The following PDPK1 variants were observed in gnomAD, a reference collection of about 807,000 sequenced individuals.
The protein encoded by PDPK1 is 3-phosphoinositide-dependent protein kinase 1.
PDPK1 carries 7 observed loss-of-function variants against 39.8 expected under a neutral mutation model. The ratio of observed to expected loss-of-function variants is 0.18; its 90% CI spans 0.10 to 0.33. The LOEUF (loss-of-function observed/expected upper bound fraction) is 0.33, where lower values mean the gene tolerates loss of function less well. Among genes scored for constraint, PDPK1 ranks in the 10% least tolerant of loss-of-function variants. PDPK1 has a pLI of 1.00. For missense variants in PDPK1, 182 were observed against 384.7 expected (o/e 0.47, Z 4.41); for synonymous variants, 118 against 159.1 (o/e 0.74, Z 1.95).
chr16:2,597,429 A>T lies in PDPK1; in HGVS notation c.1554+154A>T, dbSNP rs1178897627. Among the ~76,000 whole-genome samples the T allele has an allele frequency of 6.6e-6, 1 of 152,170 alleles. No homozygotes were observed. Among genetic ancestry groups the T allele is most frequent in the Non-Finnish European group, 1.5e-5 (1 of 68,028 alleles). On this transcript the variant is annotated intron_variant, in intron 13 of 13. Transcript: ENST00000342085. This position sits in a 1 kb window ranked among gnomAD's most constrained non-coding sequence, Gnocchi z 6.3. ...TCCCAGACGCCCACACTAGTGGCTC[A>T]GTCCTGAGGGGGCAGGGGACACCCT...
chr16:2,538,863 T>G (rs1259294828), intron 1 of PDPK1: 3 of 899,566 alleles, frequency 3.3e-6, no homozygotes, highest in Non-Finnish European at 4.5e-6. Context: ...ATATTTTCTC[T>G]CTATCGCTAA....
chr16:2,590,838 A>G (rs1457306662), intron 11 of PDPK1, among the ~76,000 whole-genome samples: 4 of 152,318 alleles, frequency 2.6e-5, no homozygotes, highest in South Asian at 2.1e-4. Flanking sequence ...GAAAGAGACA[A>G]GCTCTCACTA....
Position 2,602,570 on chromosome 16 carries a change from T to C in PDPK1, c.*4803T>C, listed in dbSNP as rs2067239357. 1 of 234,778 alleles carries C rather than the reference T, an allele frequency of 4.3e-6. No individual in the cohort carries two copies. Among genetic ancestry groups the C allele is most frequent in the Admixed American group, 5.6e-5 (1 of 17,790 alleles). 14.5% of individuals were successfully genotyped at this position (234,778 alleles called of 1,614,324 possible). ...GCAGAATGACTACGAATAGGGGTCA[T>C]TGTGCTGGTAAAAGCCTCTATTACG... On this transcript the variant is annotated 3_prime_UTR_variant, in exon 14 of 14. Coordinates refer to ENST00000342085, the MANE Select transcript of PDPK1 (RefSeq NM_002613.5).
intron 10 of PDPK1, among the ~76,000 whole-genome samples, chr16:2,585,658 G>A (rs2066855415): frequency 1.3e-5 from 2 of 152,104 alleles, no homozygotes; most frequent in African/African-American, 4.8e-5. Flanking sequence ...GGTCGGCGTG[G>A]AGGGGCCGGC....
chr16:2,586,603 C>T (rs565488195), intron 10 of PDPK1, 73 bp from the exon 11 acceptor site: 21 of 1,329,496 alleles, frequency 1.6e-5, no homozygotes, highest in East Asian at 1.4e-4. Context: ...AGCGGCAGTG[C>T]GGGAGGGGCT....
rs568740588 is a variant in PDPK1 at position 2,599,717 on chromosome 16, A to G, written c.*1950A>G. ...TTTCTGTTCAGGCTTCCTCCTCCTC[A>G]TCAGCTATTTTACCCATCTCAGAAC... On this transcript the variant is annotated 3_prime_UTR_variant, in exon 14 of 14. Coordinates refer to ENST00000342085, the MANE Select transcript of PDPK1 (RefSeq NM_002613.5). 4.8e-4 allele frequency: 111 copies of G among 233,484 alleles called. No homozygotes were observed. Among genetic ancestry groups the G allele is most frequent in the African/African-American group, 1.9e-3 (88 of 45,488 alleles). The allele number at this position is 233,484 out of a possible 1,614,324, so 14.5% of individuals were successfully genotyped here.
chr16:2,544,054 G>A (rs1052420137), intron 1 of PDPK1, among the ~76,000 whole-genome samples: 1 of 152,008 alleles, frequency 6.6e-6, no homozygotes, highest in Admixed American at 6.6e-5. Flanking sequence ...ATATTCTTTA[G>A]GGAATCATGA....
At chr16:2,587,318 G>C (rs1320038286) in intron 11 of PDPK1, among the ~76,000 whole-genome samples, 1 of 152,214 alleles carries the variant, frequency 6.6e-6, no homozygotes, top group Non-Finnish European at 1.5e-5. Context: ...CAGGGCTGGG[G>C]ATCTGTCGCG....
At chr16:2,551,634 C>T (rs2066410597) in intron 1 of PDPK1, among the ~76,000 whole-genome samples, 2 of 151,374 alleles carry the variant, frequency 1.3e-5, no homozygotes, top group Admixed American at 6.7e-5. Context: ...AGCATCTTGA[C>T]CATAGGAGGC....
intron 6 of PDPK1, chr16:2,576,277 A>AGGCT (rs2066707430): frequency 6.9e-6 from 1 of 145,952 alleles, no homozygotes; most frequent in Admixed American, 6.7e-5. Context: ...CCAGTGTGAT[A>AGGCT]GGCTGTCGTG....
intron 1 of PDPK1, among the ~76,000 whole-genome samples, chr16:2,551,659 CTTTTTTT>C (rs1174322765): frequency 7.5e-6 from 1 of 132,944 alleles, no homozygotes; most frequent in Non-Finnish European, 1.6e-5. Context: ...TGATTTCCAT[CTTTTTTT>C]TTTTTTTTTT....
chr16:2,585,655 G>A (rs112159312), intron 10 of PDPK1, among the ~76,000 whole-genome samples: 2 of 152,074 alleles, frequency 1.3e-5, no homozygotes, highest in Non-Finnish European at 2.9e-5. Context: ...AGGGGTCGGC[G>A]TGGAGGGGCC....
Position 2,598,027 on chromosome 16 carries a change from C to T in PDPK1, c.*260C>T, listed in dbSNP as rs1279836760. On this transcript the variant is annotated 3_prime_UTR_variant, in exon 14 of 14. Transcript: ENST00000342085. ...CTCCGTGGAGGCCTCCGTGTGCCCT[C>T]GTTGCCGTGGGGACCCAGCTCCATG... 1 of 515,114 alleles carries T rather than the reference C, an allele frequency of 1.9e-6. No individual in the cohort carries two copies. The highest frequency in any genetic ancestry group is 3.5e-6 in the Non-Finnish European group (1 of 286,706). The allele number at this position is 515,114 out of a possible 1,614,324, so 31.9% of individuals were successfully genotyped here.
chr16:2,543,704 G>A (rs113767501), intron 1 of PDPK1, among the ~76,000 whole-genome samples: 7,177 of 150,592 alleles, frequency 0.048, 549 homozygotes, highest in African/African-American at 0.16. Flanking sequence ...TTTCTGACCA[G>A]TCTGCTGGGT....
At position 2,538,143 on chromosome 16, in the gene PDPK1, GCGCGGCGGCGGAC is replaced by G; in HGVS notation, c.24+8_24+20del. ...CAGGACCACCAGCCAGCTGGTGAGC[GCGCGGCGGCGGAC>G]TGGACGCGCCGGTTTGTTACCCTGC... On this transcript the variant is annotated splice_region_variant and intron_variant, in intron 1 of 13. Transcript: ENST00000342085. 4 of 1,061,718 alleles carry G rather than the reference GCGCGGCGGCGGAC, an allele frequency of 3.8e-6. No individual in the cohort carries two copies. The Admixed American group carries it at 2.2e-4, about 58-fold the overall frequency. The allele number at this position is 1,061,718 out of a possible 1,614,324, so 65.8% of individuals were successfully genotyped here.
At chr16:2,592,783 G>C (rs184697131) in intron 11 of PDPK1, 1 of 455,406 alleles carries the variant, frequency 2.2e-6, no homozygotes, top group Admixed American at 2.3e-5. Flanking sequence ...TCTAGATGCC[G>C]CCAGTGGAGC....
At chr16:2,577,911 G>A (rs2066747715) in intron 7 of PDPK1, among the ~76,000 whole-genome samples, 1 of 148,296 alleles carries the variant, frequency 6.7e-6, no homozygotes, top group Non-Finnish European at 1.5e-5. Context: ...GCTGATTGTT[G>A]TATTTTTGGT....
intron 11 of PDPK1, among the ~76,000 whole-genome samples, chr16:2,588,006 T>C (rs1281231470): frequency 6.6e-6 from 1 of 151,962 alleles, no homozygotes; most frequent in African/African-American, 2.4e-5. Flanking sequence ...CAGGAAGGCA[T>C]GCTGGAGTGG....
chr16:2,578,597 AG>A (rs1413663690), intron 7 of PDPK1: 1 of 83,572 alleles, frequency 1.2e-5, no homozygotes, highest in African/African-American at 4.9e-5. Context: ...AGTGCTGCTG[AG>A]GGCTGGGGTC....
Sources: gnomAD v4.1 joint callset for allele counts (sites outside exome capture counted in the v4.1 genomes callset) on GRCh38, gnomAD v4.1.1 for gene constraint, Gnocchi (gnomAD v3.1) non-coding constraint, MANE v1.5 for transcripts, NCBI Gene and HGNC (gene_info 2026-07-23, HGNC 2026-07-21) for gene names.